Variants in HPSE2 observed in about 807,000 individuals in gnomAD.
HPSE2 encodes the protein inactive heparanase-2.
HPSE2 carries 38 observed loss-of-function variants against 60.5 expected under a neutral mutation model. That is an observed-to-expected ratio of 0.63 (90% CI 0.48 to 0.82). HPSE2 has a LOEUF of 0.82. Among genes scored for constraint, HPSE2 ranks in the 40% least tolerant of loss-of-function variants. The pLI, the probability that HPSE2 is intolerant of heterozygous loss-of-function variation, is 0.00. For synonymous variants in HPSE2, 295 were observed against 293.2 expected, an observed-to-expected ratio of 1.01 and a Z score of -0.06; for missense variants, 713 against 740.4, an observed-to-expected ratio of 0.96 and a Z score of 0.43.
chr10:98,876,297 C>G (rs1276416080), intron 3 of HPSE2, among the ~76,000 whole-genome samples: 1 of 151,580 alleles, frequency 6.6e-6, no homozygotes, highest in Non-Finnish European at 1.5e-5. Context: ...AGCTAAAATT[C>G]TTATGGTGGT....
chr10:99,130,650 T>C (rs1245360160), intron 3 of HPSE2, among the ~76,000 whole-genome samples: 5 of 152,166 alleles, frequency 3.3e-5, no homozygotes, highest in Non-Finnish European at 7.3e-5. Flanking sequence ...GGGCGTCTAG[T>C]TAAAACAATT....
chr10:98,570,849 A>T (rs948138616), intron 9 of HPSE2, among the ~76,000 whole-genome samples: 1 of 152,154 alleles, frequency 6.6e-6, no homozygotes, highest in East Asian at 1.9e-4. Context: ...ATCCTGTCCA[A>T]TTAAAAAAAT....
At chr10:98,607,787 G>A (rs1441229024) in intron 9 of HPSE2, among the ~76,000 whole-genome samples, 2 of 152,068 alleles carry the variant, frequency 1.3e-5, no homozygotes, top group South Asian at 2.1e-4. Flanking sequence ...AATATCAAAT[G>A]TATGTCAACT....
intron 3 of HPSE2, among the ~76,000 whole-genome samples, chr10:99,045,963 G>C (rs998360446): frequency 1.3e-5 from 2 of 152,138 alleles, no homozygotes; most frequent in Non-Finnish European, 2.9e-5. Flanking sequence ...TTGAAGAGGA[G>C]AGGCTCCTCC....
At chr10:98,820,898 A>T (rs1297637580) in intron 3 of HPSE2, among the ~76,000 whole-genome samples, 2 of 152,078 alleles carry the variant, frequency 1.3e-5, no homozygotes, top group African/African-American at 2.4e-5. Flanking sequence ...CTCTCATCAT[A>T]CTCAGTATTA....
At chr10:99,282,782 G>A in the HPSE2 span, among the ~76,000 whole-genome samples, 1 of 151,936 alleles carries the variant, frequency 6.6e-6, no homozygotes, top group Non-Finnish European at 1.5e-5. Flanking sequence ...AAATCACAAG[G>A]GAAACTTGGA....
intron 9 of HPSE2, among the ~76,000 whole-genome samples, chr10:98,545,359 A>G (rs1250581956): frequency 6.6e-6 from 1 of 152,152 alleles, no homozygotes; most frequent in African/African-American, 2.4e-5. Flanking sequence ...CAAAAAAGAG[A>G]ATTTTAGACC....
At chr10:98,788,950 CGGCCATCTT>C (rs1485669892) in intron 3 of HPSE2, among the ~76,000 whole-genome samples, 1 of 152,184 alleles carries the variant, frequency 6.6e-6, no homozygotes, top group Non-Finnish European at 1.5e-5. Context: ...TGTTCCTATT[CGGCCATCTT>C]GGCTCCTCCT....
intron 3 of HPSE2, among the ~76,000 whole-genome samples, chr10:98,898,811 T>C (rs1025309478): frequency 5.3e-5 from 8 of 152,228 alleles, no homozygotes; most frequent in African/African-American, 1.9e-4. Context: ...GATAGACACA[T>C]GGAAAACAAT....
At chr10:98,750,471 AG>A (rs1241416774) in intron 3 of HPSE2, among the ~76,000 whole-genome samples, 4 of 152,312 alleles carry the variant, frequency 2.6e-5, no homozygotes, top group Admixed American at 2.6e-4. Context: ...AAGAGACTGA[AG>A]GGGATGGGAA....
At chr10:98,547,104 G>A (rs1943706924) in intron 9 of HPSE2, among the ~76,000 whole-genome samples, 1 of 127,136 alleles carries the variant, frequency 7.9e-6, no homozygotes, top group South Asian at 2.7e-4. Context: ...ACCACAATGA[G>A]ATACCATCTC....
intron 9 of HPSE2, among the ~76,000 whole-genome samples, chr10:98,565,700 G>T (rs1321697840): frequency 6.6e-6 from 1 of 152,124 alleles, no homozygotes; most frequent in Non-Finnish European, 1.5e-5. Flanking sequence ...CCAGTAATGG[G>T]ATTGCTGGGT....
At chr10:98,966,522 A>G (rs1359049694) in intron 3 of HPSE2, among the ~76,000 whole-genome samples, 1 of 152,178 alleles carries the variant, frequency 6.6e-6, no homozygotes, top group Non-Finnish European at 1.5e-5. Flanking sequence ...AAAAGACTTC[A>G]GAAGTAGCAG....
At chr10:99,308,358 C>A in the HPSE2 span, among the ~76,000 whole-genome samples, 2 of 41,034 alleles carry the variant, frequency 4.9e-5, no homozygotes, top group African/African-American at 1.9e-4. Context: ...CCAGCCTGGC[C>A]GACAGAGCAA....
At chr10:98,732,043 T>A (rs972867602) in intron 4 of HPSE2, among the ~76,000 whole-genome samples, 2 of 151,998 alleles carry the variant, frequency 1.3e-5, no homozygotes, top group Non-Finnish European at 2.9e-5. Context: ...CCCAATTGCA[T>A]CAAAAAGAAT....
intron 2 of HPSE2, among the ~76,000 whole-genome samples, chr10:99,170,108 A>C (rs924854639): frequency 6.6e-6 from 1 of 152,146 alleles, no homozygotes; most frequent in Non-Finnish European, 1.5e-5. Flanking sequence ...GGTAGAGTAG[A>C]ATATCCTTTC....
At chr10:98,496,913 A>G (rs1941860646) in intron 9 of HPSE2, among the ~76,000 whole-genome samples, 1 of 152,100 alleles carries the variant, frequency 6.6e-6, no homozygotes, top group Admixed American at 6.6e-5. Context: ...TTATAGGAAA[A>G]CACATCAATA....
chr10:98,726,834 T>G (rs913331736), intron 4 of HPSE2, among the ~76,000 whole-genome samples: 1 of 151,894 alleles, frequency 6.6e-6, no homozygotes, highest in African/African-American at 2.4e-5. Flanking sequence ...TCCAGATAAG[T>G]GTGAAACCTA....
At chr10:98,699,093 A>G (rs1311117059) in intron 5 of HPSE2, among the ~76,000 whole-genome samples, 1 of 151,986 alleles carries the variant, frequency 6.6e-6, no homozygotes, top group African/African-American at 2.4e-5. Context: ...TCCTTCTGAA[A>G]CTATTCCAAT....
Sources: gnomAD v4.1 joint callset for allele counts (sites outside exome capture counted in the v4.1 genomes callset) on GRCh38, gnomAD v4.1.1 for gene constraint, MANE v1.5 for transcripts, NCBI Gene and HGNC (gene_info 2026-07-23, HGNC 2026-07-21) for gene names.